Variants in GREB1 observed in about 807,000 individuals in gnomAD.
GREB1 encodes growth regulating estrogen receptor binding 1, also known as protein GREB1.
In GREB1, 106 loss-of-function variants were observed where a neutral mutation model predicts 200.7. The ratio of observed to expected loss-of-function variants is 0.53; its 90% CI spans 0.45 to 0.62. The LOEUF (loss-of-function observed/expected upper bound fraction) is 0.62, where lower values mean the gene tolerates loss of function less well. GREB1 is among the 20% of genes least tolerant of loss of function. The probability of loss-of-function intolerance (pLI) is 0.00; values close to 1 mark genes in which losing one functional copy is unlikely to be tolerated. For missense variants in GREB1, 2,243 were observed against 2,556.8 expected, an observed-to-expected ratio of 0.88 and a Z score of 2.65; for synonymous variants, 1,132 against 1,092.4, an observed-to-expected ratio of 1.04 and a Z score of -0.72.
chr2:11,495,949 G>A (rs1672874082), intron 1 of GREB1, among the ~76,000 whole-genome samples: 1 of 152,058 alleles, frequency 6.6e-6, no homozygotes, highest in Non-Finnish European at 1.5e-5. Flanking sequence ...GGACGTAACG[G>A]CAACCCCGTT....
At chr2:11,587,841 T>G in intron 9 of GREB1, 1 of 1,030,086 alleles carries the variant, frequency 9.7e-7, no homozygotes. Context: ...GCAGTTAAGC[T>G]TCTTGCTTAG....
intron 9 of GREB1, chr2:11,588,319 G>A: frequency 1.8e-6 from 2 of 1,128,212 alleles, no homozygotes; most frequent in South Asian, 4.2e-5. Flanking sequence ...AGAATGCAGG[G>A]CAGAATCCTC....
intron 18 of GREB1, chr2:11,612,241 C>A (rs1464983477): frequency 4.5e-6 from 4 of 891,844 alleles, no homozygotes; most frequent in Non-Finnish European, 5.7e-6. Context: ...CATAGACTTC[C>A]TTTCACGGAG....
rs1865576 is a variant in GREB1 at position 11,598,825 on chromosome 2, C to T, written c.2298C>T (p.Val766=). The T allele has an allele frequency of 0.049, 78,529 of 1,613,798 alleles. 2,183 individuals are homozygous for T. Among genetic ancestry groups the T allele is most frequent in the Non-Finnish European group, 0.055 (64,800 of 1,179,708 alleles). ...NSFQNPHTLF[V]LIHDHAHWDL... ...TCCAGAACCCGCATACACTTTTTGT[C>T]CTAATCCATGACCATGCGCACTGGG... The change falls in exon 15 of 33, where the codon GTC becomes GTT. Residue 766 remains valine (V), a synonymous_variant. Transcript: ENST00000381486.
chr2:11,577,105 T>C (rs113321954), intron 5 of GREB1, among the ~76,000 whole-genome samples: 3 of 152,034 alleles, frequency 2.0e-5, no homozygotes, highest in African/African-American at 7.2e-5. Context: ...TTACCTCCTA[T>C]GGCAAGTATT....
Position 11,597,801 on chromosome 2 carries a change from A to G in GREB1, c.1975A>G (p.Ser659Gly), listed in dbSNP as rs1188412465. The G allele has an allele frequency of 5.0e-6, 8 of 1,614,058 alleles. No individual in the cohort carries two copies. The Admixed American group carries it at 8.3e-5, about 17-fold the overall frequency. ...TCCAGGTTACAATCTGGAGCCACAC[A>G]GCATCCGGCCCTTCCAGCTGGCAGT... Reference protein sequence around the residue: ...VCTSYNLEPHSIRPFQLAVAQ... With the variant: ...VCTSYNLEPHGIRPFQLAVAQ... The change falls in exon 14 of 33, where the codon AGC becomes GGC. Residue 659 changes from serine to glycine, a missense_variant. This residue lies in a region of GREB1 where 1,178 missense variants were observed against 1,387.4 expected (regional missense o/e 0.85). Coordinates refer to ENST00000381486, the MANE Select transcript of GREB1 (RefSeq NM_014668.4). The surrounding 1 kb of genome is among the most constrained non-coding windows in gnomAD (Gnocchi z 4.1).
chr2:11,602,365 G>T, intron 16 of GREB1, 41 bp from the exon 17 acceptor site: 1 of 1,596,886 alleles, frequency 6.3e-7, no homozygotes, highest in Non-Finnish European at 8.6e-7. Context: ...CCGTCCCTGC[G>T]AATGCAGTGT....
chr2:11,507,018 T>G (rs534957093), intron 1 of GREB1, among the ~76,000 whole-genome samples: 1 of 152,278 alleles, frequency 6.6e-6, no homozygotes, highest in African/African-American at 2.4e-5. Context: ...ATCAATAACT[T>G]ATTATACAAA....
intron 4 of GREB1, among the ~76,000 whole-genome samples, chr2:11,573,229 C>T (rs898061076): frequency 2.0e-5 from 3 of 152,146 alleles, no homozygotes; most frequent in Non-Finnish European, 4.4e-5. Flanking sequence ...CACACATAGC[C>T]GCCCAGGACG....
chr2:11,620,524 G>C (rs1450278896), intron 22 of GREB1, among the ~76,000 whole-genome samples: 1 of 152,040 alleles, frequency 6.6e-6, no homozygotes, highest in Non-Finnish European at 1.5e-5. Flanking sequence ...AATGAATTTT[G>C]CTGTCTTGTA....
chr2:11,527,052 C>CAGTTA (rs1673901863), intron 1 of GREB1, among the ~76,000 whole-genome samples: 1 of 152,212 alleles, frequency 6.6e-6, no homozygotes, highest in Non-Finnish European at 1.5e-5. Flanking sequence ...CCTTCCACTA[C>CAGTTA]AGTTATTTAT....
chr2:11,544,898 T>TCTGCCTCCCGGG (rs1236756363), intron 1 of GREB1, among the ~76,000 whole-genome samples: 6 of 152,224 alleles, frequency 3.9e-5, no homozygotes, highest in African/African-American at 1.4e-4. Flanking sequence ...CACTGCAACC[T>TCTGCCTCCCGGG]CTGCCTCCCG....
chr2:11,483,185 G>A (rs1413292884), intron 1 of GREB1, among the ~76,000 whole-genome samples: 1 of 152,094 alleles, frequency 6.6e-6, no homozygotes, highest in South Asian at 2.1e-4. Context: ...GTGCGTGCGT[G>A]TGCGCGCGGG....
chr2:11,560,328 A>G (rs892457766), intron 2 of GREB1, among the ~76,000 whole-genome samples: 10 of 152,328 alleles, frequency 6.6e-5, no homozygotes, highest in Admixed American at 2.0e-4. Context: ...CTCTGGATGG[A>G]TGGACGGTGT....
At chr2:11,589,769 C>T (rs907080797) in intron 10 of GREB1, among the ~76,000 whole-genome samples, 3 of 152,128 alleles carry the variant, frequency 2.0e-5, no homozygotes, top group Non-Finnish European at 4.4e-5. Context: ...AGGGGCTATT[C>T]TGAAGGTAAG....
chr2:11,517,176 T>C (rs1673535593), intron 1 of GREB1, among the ~76,000 whole-genome samples: 1 of 152,178 alleles, frequency 6.6e-6, no homozygotes. Flanking sequence ...GCTGGCCCTC[T>C]TCCCTGCTGC....
At chr2:11,552,777 C>A (rs530347923) in intron 1 of GREB1, among the ~76,000 whole-genome samples, 1 of 151,726 alleles carries the variant, frequency 6.6e-6, no homozygotes, top group Non-Finnish European at 1.5e-5. Flanking sequence ...TTTGGGAGGC[C>A]GAGGCGGGCG....
intron 1 of GREB1, among the ~76,000 whole-genome samples, chr2:11,516,901 G>T (rs983605323): frequency 6.6e-6 from 1 of 152,202 alleles, no homozygotes; most frequent in African/African-American, 2.4e-5. Flanking sequence ...TTTCTCTTCC[G>T]TGGGCAGTGG....
In GREB1 at chr2:11,640,186, C is replaced by T; in HGVS notation, c.5687-105C>T. 1 of 1,123,572 alleles carries T rather than the reference C, an allele frequency of 8.9e-7. No homozygotes were observed. Among genetic ancestry groups the T allele is most frequent in the Non-Finnish European group, 1.3e-6 (1 of 794,514 alleles). 69.6% of individuals were successfully genotyped at this position (1,123,572 alleles called of 1,614,324 possible). A position where few individuals can be genotyped will look rare whatever the true frequency, so the allele number is the denominator to read the frequency against. Reference sequence around the variant, plus strand: ...CGACTTGGATGCCGCTTCTGCCCTTCCCAACAGCGCCCTGTCTTGTCATTG... The same window carrying T: ...CGACTTGGATGCCGCTTCTGCCCTTTCCAACAGCGCCCTGTCTTGTCATTG... On this transcript the variant is annotated intron_variant, in intron 32 of 32. Transcript: ENST00000381486. This position sits in a 1 kb window ranked among gnomAD's most constrained non-coding sequence, Gnocchi z 4.6.
Sources: allele counts gnomAD v4.1 joint callset (sites outside exome capture counted in the v4.1 genomes callset), GRCh38; gene constraint gnomAD v4.1.1; regional missense constraint gnomAD v4.1.1; non-coding constraint Gnocchi (gnomAD v3.1); transcripts MANE v1.5; gene names NCBI Gene and HGNC (gene_info 2026-07-23, HGNC 2026-07-21).